The following NRXN1 variants were observed in gnomAD, a reference collection of about 807,000 sequenced individuals.
The protein encoded by NRXN1 is neurexin 1.
In NRXN1, 39 loss-of-function variants were observed where a neutral mutation model predicts 150.9. The ratio of observed to expected loss-of-function variants is 0.26; its 90% CI spans 0.20 to 0.34. The LOEUF (loss-of-function observed/expected upper bound fraction) is 0.34. NRXN1 is among the 10% of genes least tolerant of loss of function. The pLI, the probability that NRXN1 is intolerant of heterozygous loss-of-function variation, is 1.00. For missense variants in NRXN1, 1,815 were observed against 1,949.9 expected, an observed-to-expected ratio of 0.93 and a Z score of 1.30; for synonymous variants, 924 against 757.0, an observed-to-expected ratio of 1.22 and a Z score of -3.62.
intron 2 of NRXN1, among the ~76,000 whole-genome samples, chr2:50,994,046 G>A (rs947108993): frequency 1.3e-5 from 2 of 151,754 alleles, no homozygotes; most frequent in African/African-American, 2.4e-5. Flanking sequence ...CATGTTCTCT[G>A]TGCCAGACAT....
chr2:50,135,650 C>T (rs749382316), intron 18 of NRXN1, among the ~76,000 whole-genome samples: 1 of 152,036 alleles, frequency 6.6e-6, no homozygotes, highest in Non-Finnish European at 1.5e-5. Context: ...GAGATTGCAC[C>T]ATTGCACTCC....
intron 21 of NRXN1, among the ~76,000 whole-genome samples, chr2:50,030,526 T>C (rs2152567218): frequency 6.6e-6 from 1 of 152,268 alleles, no homozygotes; most frequent in South Asian, 2.1e-4. Context: ...TGGCCTATGA[T>C]TCTCCTACAT....
At chr2:50,965,509 A>G (rs1558502811) in intron 2 of NRXN1, among the ~76,000 whole-genome samples, 1 of 151,592 alleles carries the variant, frequency 6.6e-6, no homozygotes, top group East Asian at 1.9e-4. Flanking sequence ...TTTAATAACA[A>G]AATAATGTTA....
chr2:50,224,918 G>T (rs2064230198), intron 18 of NRXN1, among the ~76,000 whole-genome samples: 1 of 151,792 alleles, frequency 6.6e-6, no homozygotes, highest in Non-Finnish European at 1.5e-5. Context: ...AAATAAAAAT[G>T]ATACAGAGAA....
chr2:50,505,394 AT>A, intron 13 of NRXN1, among the ~76,000 whole-genome samples: 1 of 152,172 alleles, frequency 6.6e-6, no homozygotes. Context: ...GCACTCAGAG[AT>A]TTTAAAATGT....
At chr2:50,700,824 C>T (rs1321621751) in intron 5 of NRXN1, among the ~76,000 whole-genome samples, 3 of 147,078 alleles carry the variant, frequency 2.0e-5, no homozygotes, top group South Asian at 2.1e-4. Context: ...TTTTTTGAGA[C>T]GCCCGGCTAA....
intron 2 of NRXN1, among the ~76,000 whole-genome samples, chr2:50,962,493 A>G (rs1009538886): frequency 3.4e-5 from 5 of 148,416 alleles, no homozygotes; most frequent in Admixed American, 2.7e-4. Flanking sequence ...GGTATTCTCT[A>G]TATATTCACA....
At chr2:50,711,417 C>T (rs1290297446) in intron 5 of NRXN1, among the ~76,000 whole-genome samples, 2 of 149,600 alleles carry the variant, frequency 1.3e-5, no homozygotes, top group South Asian at 2.1e-4. Flanking sequence ...CTCACTGCAA[C>T]CTCCGCCTCC....
intron 5 of NRXN1, among the ~76,000 whole-genome samples, chr2:50,648,996 T>A (rs1298183357): frequency 6.6e-6 from 1 of 151,972 alleles, no homozygotes; most frequent in African/African-American, 2.4e-5. Context: ...TCAGTCAATC[T>A]GAATGTCCCC....
At chr2:51,006,416 G>A (rs1342267691) in intron 2 of NRXN1, among the ~76,000 whole-genome samples, 1 of 151,548 alleles carries the variant, frequency 6.6e-6, no homozygotes, top group East Asian at 2.0e-4. Flanking sequence ...AAGGGGGGAG[G>A]GATAGCATTA....
At chr2:50,177,770 ACTAACTCTCTCTCTCTCTCTCT>A (rs955714369) in intron 18 of NRXN1, among the ~76,000 whole-genome samples, 3 of 107,188 alleles carry the variant, frequency 2.8e-5, no homozygotes, top group African/African-American at 1.1e-4. Flanking sequence ...AAACTAACTA[ACTAACTCTCTCTCTCTCTCTCT>A]CTCTCTCTCT....
chr2:50,349,130 T>C (rs1466257430), intron 17 of NRXN1, among the ~76,000 whole-genome samples: 2 of 152,120 alleles, frequency 1.3e-5, no homozygotes, highest in Non-Finnish European at 2.9e-5. Context: ...CAATCACACA[T>C]GTCACATTCC....
chr2:50,575,289 G>T (rs1573610381), intron 8 of NRXN1, among the ~76,000 whole-genome samples: 1 of 152,202 alleles, frequency 6.6e-6, no homozygotes, highest in Non-Finnish European at 1.5e-5. Flanking sequence ...AATGAATGAA[G>T]TTTGTGTGCA....
intron 18 of NRXN1, among the ~76,000 whole-genome samples, chr2:50,149,263 G>A (rs2058556129): frequency 6.6e-6 from 1 of 151,610 alleles, no homozygotes; most frequent in South Asian, 2.1e-4. Flanking sequence ...AAGGAATAAA[G>A]GGAGAATTTC....
intron 2 of NRXN1, among the ~76,000 whole-genome samples, chr2:51,011,747 A>G (rs906631563): frequency 6.6e-6 from 1 of 152,060 alleles, no homozygotes; most frequent in Admixed American, 6.6e-5. Flanking sequence ...CTTGCCTGCC[A>G]TTCTTGAGAA....
intron 17 of NRXN1, among the ~76,000 whole-genome samples, chr2:50,287,909 T>C (rs1011102071): frequency 1.3e-5 from 2 of 152,082 alleles, no homozygotes; most frequent in African/African-American, 4.8e-5. Context: ...GATACATGAA[T>C]TTATAAATAA....
chr2:50,888,198 C>T (rs1334284529), intron 5 of NRXN1, among the ~76,000 whole-genome samples: 2 of 151,468 alleles, frequency 1.3e-5, no homozygotes, highest in Admixed American at 6.6e-5. Context: ...TAACCCCAAA[C>T]ATTAAAACAA....
rs1305232993 is a variant in NRXN1 at position 49,921,160 on chromosome 2, C to G, written c.*784G>C. The G allele has an allele frequency of 6.6e-6, 1 of 152,584 alleles. No individual in the cohort carries two copies. Among genetic ancestry groups the G allele is most frequent in the Non-Finnish European group, 1.5e-5 (1 of 68,024 alleles). 9.5% of individuals were successfully genotyped at this position (152,584 alleles called of 1,614,324 possible). A position where few individuals can be genotyped will look rare whatever the true frequency, so the allele number is the denominator to read the frequency against. ...CAACAGGCTATAAAACGTCACTTAT[C>G]ACAGTCCAGAAAGCACACAGAGATG... On this transcript the variant is annotated 3_prime_UTR_variant, in exon 23 of 23. Transcript: ENST00000401669.
At chr2:50,989,024 A>G (rs188474545) in intron 2 of NRXN1, among the ~76,000 whole-genome samples, 1 of 151,484 alleles carries the variant, frequency 6.6e-6, no homozygotes, top group African/African-American at 2.4e-5. Flanking sequence ...TTTCTTTTTT[A>G]AAAAAAATCC....
Sources: allele counts gnomAD v4.1 joint callset (sites outside exome capture counted in the v4.1 genomes callset), GRCh38; gene constraint gnomAD v4.1.1; transcripts MANE v1.5; gene names NCBI Gene and HGNC (gene_info 2026-07-23, HGNC 2026-07-21).